MAPRE2: variants seen among roughly 807,000 people sequenced by gnomAD.
The protein encoded by MAPRE2 is microtubule associated protein RP/EB family member 2.
In MAPRE2, 13 loss-of-function variants were observed where a neutral mutation model predicts 43.2. That is an observed-to-expected ratio of 0.30 (90% CI 0.20 to 0.48). MAPRE2 has a LOEUF of 0.48. Ranked by LOEUF, MAPRE2 falls within the 20% of genes least tolerant of loss-of-function variation. MAPRE2 has a pLI of 0.99. For synonymous variants in MAPRE2, 135 were observed against 148.8 expected (o/e 0.91, Z 0.68); for missense variants, 161 against 400.2 (o/e 0.40, Z 5.10).
chr18:35,019,021 T>C (rs1053637346), intron 2 of MAPRE2, among the ~76,000 whole-genome samples: 8 of 150,260 alleles, frequency 5.3e-5, no homozygotes, highest in African/African-American at 1.9e-4. Context: ...GTTGCATGTC[T>C]GTTTTCATTT....
At chr18:35,022,499 C>T (rs564369148) in intron 2 of MAPRE2, among the ~76,000 whole-genome samples, 1 of 152,154 alleles carries the variant, frequency 6.6e-6, no homozygotes, top group South Asian at 2.1e-4. Flanking sequence ...TAAATTGAAT[C>T]ATGCTTTTGA....
chr18:35,072,783 A>G (rs1907170896), intron 2 of MAPRE2, among the ~76,000 whole-genome samples: 1 of 152,190 alleles, frequency 6.6e-6, no homozygotes, highest in South Asian at 2.1e-4. Context: ...AAAAACACAA[A>G]AAAACCTGTA....
intron 2 of MAPRE2, among the ~76,000 whole-genome samples, chr18:35,009,933 T>C (rs2097033628): frequency 6.6e-6 from 1 of 152,200 alleles, no homozygotes; most frequent in Non-Finnish European, 1.5e-5. Context: ...TTCTTCTTGT[T>C]CTATGGTCAC....
intron 1 of MAPRE2, among the ~76,000 whole-genome samples, chr18:34,992,003 TTTTTATGTTTTGGG>T (rs2097024090): frequency 6.6e-6 from 1 of 152,164 alleles, no homozygotes; most frequent in Non-Finnish European, 1.5e-5. Context: ...ATTTTTTCGT[TTTTTATGTTTTGGG>T]TTTTCTTTTA....
At chr18:35,074,776 A>G (rs1907265603) in intron 2 of MAPRE2, among the ~76,000 whole-genome samples, 1 of 151,622 alleles carries the variant, frequency 6.6e-6, no homozygotes, top group South Asian at 2.1e-4. Flanking sequence ...CCACCCCTCC[A>G]CTAGCCGAGC....
intron 3 of MAPRE2, among the ~76,000 whole-genome samples, chr18:35,099,886 G>A (rs772540959): frequency 1.1e-4 from 16 of 152,122 alleles, no homozygotes; most frequent in Non-Finnish European, 2.1e-4. Context: ...AGTTTAATGC[G>A]TGCTTCAGTT....
intron 5 of MAPRE2, among the ~76,000 whole-genome samples, chr18:35,130,110 T>C (rs1472359118): frequency 2.6e-5 from 4 of 151,898 alleles, no homozygotes; most frequent in Non-Finnish European, 5.9e-5. Context: ...GACAGACCTA[T>C]TTTCGTGGGT....
intron 1 of MAPRE2, among the ~76,000 whole-genome samples, chr18:35,001,872 T>A (rs555677096): frequency 4.5e-4 from 69 of 152,316 alleles, no homozygotes; most frequent in African/African-American, 1.5e-3. Flanking sequence ...TTTAAAAATA[T>A]ATATATTTTG....
At chr18:35,048,442 A>G (rs1316538745) in intron 1 of MAPRE2, among the ~76,000 whole-genome samples, 3 of 151,854 alleles carry the variant, frequency 2.0e-5, no homozygotes, top group South Asian at 2.1e-4. Context: ...GTATTTATAC[A>G]TATGTACACT....
chr18:35,067,626 G>A (rs1196676727), intron 1 of MAPRE2, among the ~76,000 whole-genome samples: 1 of 151,910 alleles, frequency 6.6e-6, no homozygotes, highest in East Asian at 1.9e-4. Context: ...GTGCCATCTA[G>A]CATAACCCTG....
chr18:35,055,182 C>A (rs1393182299), intron 1 of MAPRE2, among the ~76,000 whole-genome samples: 1 of 152,226 alleles, frequency 6.6e-6, no homozygotes, highest in Admixed American at 6.5e-5. Context: ...CAAATTGATC[C>A]TCTCACAGTT....
chr18:35,108,201 T>C (rs993960216), intron 4 of MAPRE2, among the ~76,000 whole-genome samples: 4 of 152,160 alleles, frequency 2.6e-5, no homozygotes, highest in African/African-American at 9.7e-5. Flanking sequence ...CACTTCCCAC[T>C]TTGAGTGAGA....
At chr18:34,979,644 G>T (rs1174555448) in intron 1 of MAPRE2, among the ~76,000 whole-genome samples, 4 of 151,986 alleles carry the variant, frequency 2.6e-5, no homozygotes, top group Non-Finnish European at 5.9e-5. Context: ...AAGCAGAAAG[G>T]ATGAATATGT....
intron 1 of MAPRE2, among the ~76,000 whole-genome samples, chr18:34,997,910 G>A (rs1189355795): frequency 6.6e-6 from 1 of 152,154 alleles, no homozygotes; most frequent in African/African-American, 2.4e-5. Flanking sequence ...CTATAAACAA[G>A]TATAATTACT....
At chr18:34,991,097 G>A (rs765415022) in intron 1 of MAPRE2, among the ~76,000 whole-genome samples, 6 of 152,092 alleles carry the variant, frequency 3.9e-5, no homozygotes, top group Non-Finnish European at 7.4e-5. Flanking sequence ...TGAGGTTCGA[G>A]GTACAACTGA....
chr18:35,007,913 G>A (rs1011870267), intron 2 of MAPRE2, among the ~76,000 whole-genome samples: 2 of 152,084 alleles, frequency 1.3e-5, no homozygotes, highest in African/African-American at 4.8e-5. Context: ...GTATTCATCG[G>A]TATATGAAGC....
intron 1 of MAPRE2, among the ~76,000 whole-genome samples, chr18:35,066,412 G>A (rs1300856360): frequency 1.3e-5 from 2 of 152,126 alleles, no homozygotes; most frequent in African/African-American, 2.4e-5. Context: ...GTAGGGACAA[G>A]TACTTTTACC....
At chr18:35,019,597 A>T (rs1051275225) in intron 2 of MAPRE2, among the ~76,000 whole-genome samples, 5 of 151,994 alleles carry the variant, frequency 3.3e-5, no homozygotes, top group African/African-American at 1.2e-4. Context: ...TGTCATAAGC[A>T]GTTTTCCATG....
intron 2 of MAPRE2, among the ~76,000 whole-genome samples, chr18:35,087,095 G>A (rs1907915325): frequency 6.6e-6 from 1 of 152,086 alleles, no homozygotes; most frequent in African/African-American, 2.4e-5. Flanking sequence ...CTTTGAGTAT[G>A]AATGTTCATT....
Sources: gnomAD v4.1 joint callset for allele counts (sites outside exome capture counted in the v4.1 genomes callset) on GRCh38, gnomAD v4.1.1 for gene constraint, MANE v1.5 for transcripts, NCBI Gene and HGNC (gene_info 2026-07-23, HGNC 2026-07-21) for gene names.